The following MSN variants were observed in gnomAD, a reference collection of about 807,000 sequenced individuals.
MSN encodes the protein epididymis luminal protein 70.
A neutral mutation model predicts 48.0 loss-of-function variants in MSN; 2 were observed. That is an observed-to-expected ratio of 0.04 (90% CI 0.02 to 0.13). MSN has a LOEUF of 0.13. MSN is among the 10% of genes least tolerant of loss of function. MSN has a pLI of 1.00. For missense variants in MSN, 267 were observed against 470.1 expected, an observed-to-expected ratio of 0.57 and a Z score of 3.99; for synonymous variants, 146 against 166.9, an observed-to-expected ratio of 0.87 and a Z score of 0.97.
At chrX:65,725,245 G>A (rs1037386430) in intron 2 of MSN, among the ~76,000 whole-genome samples, 11 of 111,772 alleles carry the variant, frequency 9.8e-5, no homozygotes, top group African/African-American at 2.6e-4. Flanking sequence ...CTGCCACACC[G>A]GCAATGAAGC....
At chrX:65,628,952 G>T (rs747412879) in intron 1 of MSN, among the ~76,000 whole-genome samples, 1 of 109,003 alleles carries the variant, frequency 9.2e-6, no homozygotes, top group African/African-American at 3.3e-5. Context: ...TATGATCCTA[G>T]CTACTCAGGA....
At chrX:65,718,298 T>G (rs956967890) in intron 2 of MSN, among the ~76,000 whole-genome samples, 4 of 110,616 alleles carry the variant, frequency 3.6e-5, no homozygotes, top group Non-Finnish European at 5.7e-5. Context: ...AATACTTACC[T>G]CACAGGATTT....
At position 65,619,035 on chromosome X, in the gene MSN, C is replaced by G. The variant is rs1470249426; in HGVS notation, c.-22+30423C>G. On this transcript the variant is annotated intron_variant, in intron 1 of 3. Transcript: ENST00000609672. ...TTCTTTAAGAATGTTGAATATTGGC[C>G]CCCACTCTCTTCTGGCTTGTAGGGT... Among the ~76,000 whole-genome samples, 56 of 99,709 alleles carry G rather than the reference C, an allele frequency of 5.6e-4. No individual in the cohort carries two copies. The Admixed American group carries it at 6.0e-3, about 11-fold the overall frequency. The allele number at this position is 99,709 out of a possible 115,157, so 86.6% of individuals were successfully genotyped here.
At chrX:65,699,181 C>A (rs1330965957) in intron 1 of MSN, among the ~76,000 whole-genome samples, 1 of 111,932 alleles carries the variant, frequency 8.9e-6, no homozygotes, top group Non-Finnish European at 1.9e-5. Flanking sequence ...GTAATAAAGT[C>A]AAAACCACTG....
chrX:65,675,908 G>T (rs1426110881), intron 1 of MSN, among the ~76,000 whole-genome samples: 1 of 112,461 alleles, frequency 8.9e-6, no homozygotes, highest in Non-Finnish European at 1.9e-5. Context: ...AAAGTGGTGG[G>T]ATTACAGGTG....
chrX:65,607,330 C>T, intron 1 of MSN, among the ~76,000 whole-genome samples: 1 of 111,589 alleles, frequency 9.0e-6, no homozygotes, highest in South Asian at 3.8e-4. Context: ...CCCTGCAGGG[C>T]CTCTGACCCA....
intron 1 of MSN, among the ~76,000 whole-genome samples, chrX:65,696,553 T>C (rs1359348859): frequency 2.7e-5 from 3 of 110,735 alleles, no homozygotes; most frequent in African/African-American, 9.9e-5. Context: ...AGACCAAACA[T>C]TCGGGGCTGG....
intron 1 of MSN, among the ~76,000 whole-genome samples, chrX:65,622,379 C>T: frequency 1.8e-5 from 2 of 110,525 alleles, no homozygotes; most frequent in Admixed American, 1.9e-4. Flanking sequence ...GGATTACAGG[C>T]ATGAGCCACC....
At chrX:65,620,721 C>T (rs1407871008) in intron 1 of MSN, among the ~76,000 whole-genome samples, 1 of 111,810 alleles carries the variant, frequency 8.9e-6, no homozygotes, top group Non-Finnish European at 1.9e-5. Flanking sequence ...ATTCGGCCAT[C>T]TTGGCTCCTC....
At chrX:65,692,177 G>A (rs2071179563) in intron 1 of MSN, among the ~76,000 whole-genome samples, 1 of 112,433 alleles carries the variant, frequency 8.9e-6, no homozygotes, top group African/African-American at 3.2e-5. Context: ...TCCCCTTCTT[G>A]CTTCTTTCTT....
At chrX:65,600,012 T>C (rs909847087) in intron 1 of MSN, among the ~76,000 whole-genome samples, 4 of 109,118 alleles carry the variant, frequency 3.7e-5, no homozygotes, top group Non-Finnish European at 5.7e-5. Flanking sequence ...AGGTGACAGA[T>C]AGGTAATAAG....
chrX:65,709,482 T>A (rs1465518126), intron 1 of MSN, among the ~76,000 whole-genome samples: 1 of 112,154 alleles, frequency 8.9e-6, no homozygotes, highest in Middle Eastern at 4.2e-3. Context: ...CAGGTTCTGG[T>A]TGGGTTTCAG....
At chrX:65,654,100 CT>C (rs2070763018) in intron 1 of MSN, among the ~76,000 whole-genome samples, 1 of 94,334 alleles carries the variant, frequency 1.1e-5, no homozygotes, top group Non-Finnish European at 2.0e-5. Context: ...TATGGAGACC[CT>C]TCTTTTTTTT....
intron 1 of MSN, among the ~76,000 whole-genome samples, chrX:65,684,057 C>T (rs141139540): frequency 0.018 from 1,988 of 107,580 alleles, 45 homozygotes; most frequent in African/African-American, 0.066. Flanking sequence ...TCTCATGCCT[C>T]AGTCTCCCGA....
intron 1 of MSN, among the ~76,000 whole-genome samples, chrX:65,646,996 AGG>A (rs2070699327): frequency 2.7e-5 from 3 of 111,202 alleles, no homozygotes; most frequent in Non-Finnish European, 5.7e-5. Flanking sequence ...ATGAGGTACA[AGG>A]CCCTTTGTGA....
intron 1 of MSN, among the ~76,000 whole-genome samples, chrX:65,659,019 A>G (rs927685493): frequency 1.9e-5 from 2 of 105,178 alleles, no homozygotes; most frequent in African/African-American, 7.0e-5. Context: ...TAATTTTTGT[A>G]TTTTTAGTAG....
rs200135811 is a variant in MSN at position 65,736,881 on chromosome X, A to G, written c.1046A>G (p.Glu349Gly). The G allele has an allele frequency of 1.7e-6, 2 of 1,196,731 alleles. No individual in the cohort carries two copies. The highest frequency in any genetic ancestry group is 1.1e-6 in the Non-Finnish European group (1 of 886,945). The change falls in exon 9 of 13, where the codon GAG becomes GGG. Residue 349 changes from glutamate (E) to glycine (G), a missense_variant. Glu to Gly is a moderately conservative substitution (Grantham distance 98, BLOSUM62 -2). This residue lies in a region of MSN where 70 missense variants were observed against 76.3 expected (regional missense o/e 0.92). Coordinates refer to ENST00000360270, the MANE Select transcript of MSN (RefSeq NM_002444.3). Reference protein sequence around the residue: ...KIEREKEELMERLKQIEEQTK... With the variant: ...KIEREKEELMGRLKQIEEQTK... ...GAACGGGAGAAGGAGGAGCTGATGGAGAGGCTGAAGCAGATCGAGGAACAG... is the reference window on the plus strand; with the variant it reads ...GAACGGGAGAAGGAGGAGCTGATGGGGAGGCTGAAGCAGATCGAGGAACAG...
At chrX:65,685,332 T>C (rs769341658) in intron 1 of MSN, among the ~76,000 whole-genome samples, 1 of 111,529 alleles carries the variant, frequency 9.0e-6, no homozygotes, top group Non-Finnish European at 1.9e-5. Flanking sequence ...CCTTCCTGTT[T>C]TGTGGTTTTG....
chrX:65,616,125 G>A (rs2070369290), intron 1 of MSN, among the ~76,000 whole-genome samples: 1 of 111,630 alleles, frequency 9.0e-6, no homozygotes, highest in Non-Finnish European at 1.9e-5. Context: ...AGTATAGTTT[G>A]AAGTCAGGTA....
Sources: gnomAD v4.1 joint callset for allele counts (sites outside exome capture counted in the v4.1 genomes callset) on GRCh38, gnomAD v4.1.1 for gene constraint, gnomAD v4.1.1 regional missense constraint, MANE v1.5 for transcripts, NCBI Gene and HGNC (gene_info 2026-07-23, HGNC 2026-07-21) for gene names.